MELK: variants seen among roughly 807,000 people sequenced by gnomAD.
MELK encodes the protein pEg3 kinase.
A neutral mutation model predicts 85.0 loss-of-function variants in MELK; 81 were observed. The ratio of observed to expected loss-of-function variants is 0.95; its 90% CI spans 0.80 to 1.15. The LOEUF (loss-of-function observed/expected upper bound fraction) is 1.15, where lower values mean the gene tolerates loss of function less well. MELK is among the 50% of genes most tolerant of loss of function. MELK has a pLI of 0.00. For synonymous variants in MELK, 252 were observed against 265.0 expected (o/e 0.95, Z 0.48); for missense variants, 754 against 777.5 (o/e 0.97, Z 0.36).
intron 8 of MELK, among the ~76,000 whole-genome samples, chr9:36,623,158 A>G (rs966156883): frequency 6.6e-6 from 1 of 152,148 alleles, no homozygotes; most frequent in African/African-American, 2.4e-5. Flanking sequence ...GTAATCTCCA[A>G]GTAGTGACAA....
chr9:36,643,944 A>AG (rs1224266000), intron 11 of MELK, among the ~76,000 whole-genome samples: 1 of 151,912 alleles, frequency 6.6e-6, no homozygotes, highest in Non-Finnish European at 1.5e-5. Flanking sequence ...AAAAAAAAAA[A>AG]AAAAAGAAAA....
At chr9:36,658,867 AATTTTTTTTTTTTCT>A (rs1294222561) in intron 13 of MELK, among the ~76,000 whole-genome samples, 29 of 146,890 alleles carry the variant, frequency 2.0e-4, no homozygotes, top group African/African-American at 6.7e-4. Context: ...ATGCCTGGCT[AATTTTTTTTTTTTCT>A]ATTTTTTTTT....
chr9:36,638,732 T>C (rs1829451652), intron 10 of MELK, among the ~76,000 whole-genome samples: 1 of 152,242 alleles, frequency 6.6e-6, no homozygotes, highest in African/African-American at 2.4e-5. Context: ...AGTCAGGCAC[T>C]ATCCTATGGG....
chr9:36,659,507 T>C (rs1216889777), intron 13 of MELK, among the ~76,000 whole-genome samples: 1 of 152,234 alleles, frequency 6.6e-6, no homozygotes, highest in Non-Finnish European at 1.5e-5. Context: ...TTTAGGTCAG[T>C]GTTGGGCTGC....
At chr9:36,655,877 C>G (rs1769540627) in intron 12 of MELK, among the ~76,000 whole-genome samples, 1 of 152,012 alleles carries the variant, frequency 6.6e-6, no homozygotes, top group Admixed American at 6.6e-5. Flanking sequence ...ACAATATTGT[C>G]TGTTTGAATA....
At chr9:36,645,950 A>G (rs530842855) in intron 11 of MELK, among the ~76,000 whole-genome samples, 48 of 152,320 alleles carry the variant, frequency 3.2e-4, no homozygotes, top group Non-Finnish European at 5.4e-4. Context: ...GTAAAGCTTC[A>G]GAAGCATTGG....
chr9:36,675,138 T>G (rs1214492342), intron 17 of MELK, among the ~76,000 whole-genome samples: 2 of 152,080 alleles, frequency 1.3e-5, no homozygotes, highest in African/African-American at 2.4e-5. Context: ...ATACAAACAA[T>G]TAGCTGGGCA....
intron 11 of MELK, among the ~76,000 whole-genome samples, chr9:36,650,658 G>A (rs189986596): frequency 1.3e-5 from 2 of 152,282 alleles, no homozygotes; most frequent in African/African-American, 4.8e-5. Flanking sequence ...CCATGCATGC[G>A]CCCTCAGGAA....
intron 14 of MELK, 93 bp from the exon 15 acceptor site, chr9:36,669,217 G>T: frequency 2.7e-6 from 2 of 741,892 alleles, no homozygotes; most frequent in Non-Finnish European, 4.2e-6. Context: ...CTGAGTCAAT[G>T]AATAATGTGA....
chr9:36,579,637 G>A (rs915071181), intron 1 of MELK, among the ~76,000 whole-genome samples: 14 of 152,180 alleles, frequency 9.2e-5, no homozygotes, highest in African/African-American at 3.4e-4. Context: ...ATGAATAAGA[G>A]CAAATTCAAG....
chr9:36,656,013 A>G (rs1440117803), intron 12 of MELK, among the ~76,000 whole-genome samples: 2 of 152,204 alleles, frequency 1.3e-5, no homozygotes, highest in African/African-American at 2.4e-5. Flanking sequence ...TCGAGGGAAA[A>G]GGAAGGAAGG....
In MELK at chr9:36,583,661, C is replaced by G. The variant is rs760270294; in HGVS notation, c.93C>G (p.Ile31Met). The change falls in exon 3 of 18, where the codon ATC (isoleucine) becomes ATG (methionine). Residue 31 changes from isoleucine to methionine, a missense_variant. Ile to Met is a conservative substitution (Grantham distance 10, BLOSUM62 1). Coordinates refer to ENST00000298048, the MANE Select transcript of MELK (RefSeq NM_014791.4). ...GFAKVKLACH[I>M]LTGEMVAIKI... ...CAAAGGTCAAACTTGCCTGCCATATCCTTACTGGAGAGATGGTAGCTATAA... is the reference window on the plus strand; with the variant it reads ...CAAAGGTCAAACTTGCCTGCCATATGCTTACTGGAGAGATGGTAGCTATAA... The G allele has an allele frequency of 6.2e-7, 1 of 1,612,660 alleles. No individual in the cohort carries two copies. Among genetic ancestry groups the G allele is most frequent in the Non-Finnish European group, 8.5e-7 (1 of 1,179,174 alleles).
chr9:36,630,846 G>A (rs1047566410), intron 9 of MELK, among the ~76,000 whole-genome samples: 7 of 152,150 alleles, frequency 4.6e-5, no homozygotes, highest in Admixed American at 4.6e-4. Context: ...TAGAGACAGA[G>A]TTTTCCCATG....
rs140098957 is a variant in MELK, at chr9:36,659,281, G to T, written c.1176+1918G>T. Among the ~76,000 whole-genome samples the T allele has an allele frequency of 5.1e-3, 777 of 152,244 alleles. 12 individuals are homozygous for T. Among genetic ancestry groups the T allele is most frequent in the African/African-American group, 0.017 (720 of 41,530 alleles). On this transcript the variant is annotated intron_variant, in intron 13 of 17. Coordinates refer to ENST00000298048, the MANE Select transcript of MELK (RefSeq NM_014791.4). The stretch of plus-strand genomic sequence containing the variant: ...TCTGCCTGCCTTAGCCTCCCAAAGT[G>T]CTGGGATTACAGGCATGAGCCACCG...
chr9:36,633,638 AT>A (rs1828854434), intron 10 of MELK, among the ~76,000 whole-genome samples: 1 of 152,226 alleles, frequency 6.6e-6, no homozygotes, highest in Admixed American at 6.5e-5. Flanking sequence ...ATATTTATTT[AT>A]TCATTAAAAA....
chr9:36,620,867 A>AT (rs1278380427), intron 8 of MELK, among the ~76,000 whole-genome samples: 5 of 151,794 alleles, frequency 3.3e-5, no homozygotes, highest in Non-Finnish European at 7.4e-5. Flanking sequence ...TTCTTTTGAG[A>AT]TTTTGAATCT....
chr9:36,595,876 C>T lies in MELK; in HGVS notation c.405+1105C>T, dbSNP rs191835582. Among the ~76,000 whole-genome samples the T allele has an allele frequency of 2.8e-3, 422 of 151,988 alleles. 13 individuals are homozygous for T. Among genetic ancestry groups the T allele is most frequent in the Admixed American group, 0.026 (396 of 15,254 alleles). ...TGTTATCCAGGCTGAAGTGCAGTGG[C>T]GCAATCTTGGCTCACTGCAACCTCT... On this transcript the variant is annotated intron_variant, in intron 5 of 17. Coordinates refer to ENST00000298048, the MANE Select transcript of MELK (RefSeq NM_014791.4).
At chr9:36,595,976 C>T (rs973369441) in intron 5 of MELK, among the ~76,000 whole-genome samples, 4 of 151,854 alleles carry the variant, frequency 2.6e-5, no homozygotes, top group Admixed American at 1.3e-4. Flanking sequence ...CCACCACTCT[C>T]GGCTAATTTT....
At chr9:36,665,631 G>A (rs1832268340) in intron 14 of MELK, 50 bp downstream of exon 14, 1 of 1,430,452 alleles carries the variant, frequency 7.0e-7, no homozygotes, top group East Asian at 2.3e-5. Context: ...TTCTTACCAT[G>A]TTAAGTAAAC....
Sources: gnomAD v4.1 joint callset for allele counts (sites outside exome capture counted in the v4.1 genomes callset) on GRCh38, gnomAD v4.1.1 for gene constraint, MANE v1.5 for transcripts, NCBI Gene and HGNC (gene_info 2026-07-23, HGNC 2026-07-21) for gene names.